Variants in HERC4 observed in about 807,000 individuals in gnomAD.
The protein encoded by HERC4 is probable E3 ubiquitin-protein ligase HERC4.
Under a neutral mutation model 124.3 loss-of-function variants are expected in HERC4, and 28 were observed. That is an observed-to-expected ratio of 0.23 (90% confidence interval 0.17 to 0.31). The LOEUF (loss-of-function observed/expected upper bound fraction) is 0.31. HERC4 is among the 10% of genes least tolerant of loss of function. The pLI, the probability that HERC4 is intolerant of heterozygous loss-of-function variation, is 1.00. For missense variants in HERC4, 713 were observed against 1,229.3 expected, an observed-to-expected ratio of 0.58 and a Z score of 6.28; for synonymous variants, 407 against 421.5, an observed-to-expected ratio of 0.97 and a Z score of 0.42.
rs767982612 is a variant in HERC4, at chr10:67,923,107, G to C, written c.2974C>G (p.Leu992Val). 13 of 1,613,566 alleles carry C rather than the reference G, an allele frequency of 8.1e-6. No homozygotes were observed. The highest frequency in any genetic ancestry group is 1.3e-5 in the African/African-American group (1 of 74,904). ...FLTGSDRIPI[L>V]GMKSLKLVIQ... The stretch of plus-strand genomic sequence containing the variant: ...ACTAGTTTCAGACTCTTCATACCAA[G>C]AATAGGAATGCGATCACTACCTGTC... The change falls in exon 25 of 25, where the codon CTT becomes GTT. Residue 992 changes from leucine to valine, a missense_variant. By Grantham distance (32) the Leu-to-Val change is conservative. Transcript: ENST00000373700.
Position 67,956,858 on chromosome 10 carries a change from C to T in HERC4, c.2025+20G>A. On this transcript the variant is annotated intron_variant, in intron 17 of 24. Coordinates refer to ENST00000373700, the MANE Select transcript of HERC4 (RefSeq NM_015601.4). ...CAAAGAAACAATTAAAAAAAAAAAC[C>T]CTCTCAAATAATATTTTACCTGCAT... 1 of 1,433,884 alleles carries T rather than the reference C, an allele frequency of 7.0e-7. No homozygotes were observed. The highest frequency in any genetic ancestry group is 9.5e-7 in the Non-Finnish European group (1 of 1,053,414). The allele number at this position is 1,433,884 out of a possible 1,614,324, so 88.8% of individuals were successfully genotyped here.
intron 4 of HERC4, among the ~76,000 whole-genome samples, chr10:68,042,916 G>A (rs2039842048): frequency 6.6e-6 from 1 of 152,104 alleles, no homozygotes; most frequent in African/African-American, 2.4e-5. Context: ...GAAAAACTGA[G>A]AAGGATGAAA....
rs759362895 is a variant in HERC4 at position 67,956,941 on chromosome 10, T to C, written c.1962A>G (p.Pro654=). The C allele has an allele frequency of 2.5e-6, 4 of 1,603,512 alleles. No individual in the cohort carries two copies. Among genetic ancestry groups the C allele is most frequent in the Non-Finnish European group, 3.4e-6 (4 of 1,175,878 alleles). ...ADIPVTICTY[P]FVFDAQAKTT... is the part of the protein sequence containing the mutation. ...TTTTTGCTTGGGCATCAAATACAAA[T>C]GGATATGTACAGATTGTAACAGGGA... Residue 654 remains proline (P), a synonymous_variant, in exon 17 of 25, where the codon CCA becomes CCG. Transcript: ENST00000373700.
intron 3 of HERC4, among the ~76,000 whole-genome samples, chr10:68,071,107 G>A (rs2041553515): frequency 6.6e-6 from 1 of 152,162 alleles, no homozygotes; most frequent in African/African-American, 2.4e-5. Context: ...CAACAATGAG[G>A]CAATCCTAAA....
intron 9 of HERC4, among the ~76,000 whole-genome samples, chr10:68,005,919 C>A (rs1166261903): frequency 6.6e-6 from 1 of 152,082 alleles, no homozygotes; most frequent in Non-Finnish European, 1.5e-5. Context: ...AGGCTGATCT[C>A]AAACTCCTGG....
intron 8 of HERC4, among the ~76,000 whole-genome samples, chr10:68,019,462 G>GC (rs1265064121): frequency 6.6e-6 from 1 of 152,066 alleles, no homozygotes; most frequent in Non-Finnish European, 1.5e-5. Context: ...ACAGCTTATG[G>GC]CAACAGTGAC....
At chr10:67,959,182 A>G (rs1412658709) in intron 16 of HERC4, 2 of 1,520,876 alleles carry the variant, frequency 1.3e-6, no homozygotes, top group African/African-American at 1.4e-5. Flanking sequence ...AAAGAGCAAT[A>G]TTAGTGTCCA....
At chr10:68,011,852 C>T (rs2037973778) in intron 9 of HERC4, among the ~76,000 whole-genome samples, 1 of 152,160 alleles carries the variant, frequency 6.6e-6, no homozygotes, top group Non-Finnish European at 1.5e-5. Context: ...CTACTTCTCT[C>T]AGCTATAAAA....
intron 20 of HERC4, 46 bp from the exon 21 acceptor site, chr10:67,939,700 A>G: frequency 9.2e-7 from 1 of 1,081,532 alleles, no homozygotes; most frequent in Non-Finnish European, 1.4e-6. Flanking sequence ...ATTATTGGAT[A>G]TTTTGACTAT....
At position 68,072,937 on chromosome 10, in the gene HERC4, A is replaced by ATG; in HGVS notation, c.170_171dup (p.Cys58HisfsTer7). On this transcript the variant is annotated frameshift_variant, in exon 3 of 25. Coordinates refer to ENST00000373700, the MANE Select transcript of HERC4 (RefSeq NM_015601.4). LOFTEE classifies it high-confidence loss of function. The stretch of plus-strand genomic sequence containing the variant: ...AGCTGTCCTAGATCATTACATCCAC[A>ATG]TGTGTACACTGTTCCATCATCCAGA... 2 of 1,613,646 alleles carry ATG rather than the reference A, an allele frequency of 1.2e-6. No homozygotes were observed. Among genetic ancestry groups the ATG allele is most frequent in the Non-Finnish European group, 1.7e-6 (2 of 1,179,750 alleles).
intron 9 of HERC4, among the ~76,000 whole-genome samples, chr10:68,011,675 C>T (rs1477847771): frequency 6.6e-6 from 1 of 152,190 alleles, no homozygotes; most frequent in Non-Finnish European, 1.5e-5. Flanking sequence ...AGCTGTCATC[C>T]AGGCTTTGTT....
intron 15 of HERC4, among the ~76,000 whole-genome samples, chr10:67,976,043 T>TAAA (rs1254218439): frequency 9.9e-5 from 15 of 151,982 alleles, no homozygotes; most frequent in Admixed American, 5.9e-4. Context: ...TTTTTTTTTT[T>TAAA]AAGTAAATTT....
intron 3 of HERC4, among the ~76,000 whole-genome samples, chr10:68,046,988 AAAAC>A (rs2040045579): frequency 6.7e-6 from 1 of 149,678 alleles, no homozygotes; most frequent in East Asian, 2.3e-4. Flanking sequence ...CAAACAAAAA[AAAAC>A]ATGAAGAATT....
At chr10:68,021,816 TAAATAA>T (rs1414311470) in intron 8 of HERC4, among the ~76,000 whole-genome samples, 1 of 150,534 alleles carries the variant, frequency 6.6e-6, no homozygotes, top group East Asian at 2.0e-4. Flanking sequence ...CTCAAATAAA[TAAATAA>T]ATAAAAGGCA....
intron 9 of HERC4, among the ~76,000 whole-genome samples, chr10:67,997,721 A>C (rs956183242): frequency 5.0e-4 from 76 of 152,280 alleles, no homozygotes; most frequent in African/African-American, 1.8e-3. Flanking sequence ...CTTTGATACT[A>C]AAGAGGGTAA....
At chr10:67,971,161 CA>C (rs2035211076) in intron 15 of HERC4, among the ~76,000 whole-genome samples, 1 of 151,694 alleles carries the variant, frequency 6.6e-6, no homozygotes, top group African/African-American at 2.4e-5. Context: ...AAAATTTTCC[CA>C]AAAGAAAACT....
chr10:68,010,166 C>A, intron 9 of HERC4: 1 of 984,326 alleles, frequency 1.0e-6, no homozygotes. Context: ...CTAGCTTCCG[C>A]CCTCTCCCTG....
At chr10:67,975,898 C>T (rs116374612) in intron 15 of HERC4, among the ~76,000 whole-genome samples, 2,327 of 152,162 alleles carry the variant, frequency 0.015, 71 homozygotes, top group African/African-American at 0.053. Flanking sequence ...AGTTATACTG[C>T]TATTACTAGC....
intron 5 of HERC4, among the ~76,000 whole-genome samples, chr10:68,036,724 C>T (rs1384191114): frequency 1.3e-5 from 2 of 152,186 alleles, no homozygotes; most frequent in Non-Finnish European, 2.9e-5. Flanking sequence ...AGCCACTCAA[C>T]ATTTCTCCTT....
Sources: gnomAD v4.1 joint callset for allele counts (sites outside exome capture counted in the v4.1 genomes callset) on GRCh38, gnomAD v4.1.1 for gene constraint, MANE v1.5 for transcripts, NCBI Gene and HGNC (gene_info 2026-07-23, HGNC 2026-07-21) for gene names.